Variants in NTM observed in about 807,000 individuals in gnomAD.
The protein encoded by NTM is IgLON family member 2.
Under a neutral mutation model 42.1 loss-of-function variants are expected in NTM, and 13 were observed. That is an observed-to-expected ratio of 0.31 (90% CI 0.20 to 0.49). NTM has a LOEUF of 0.49. Ranked by LOEUF, NTM falls within the 20% of genes least tolerant of loss-of-function variation. The pLI, the probability that NTM is intolerant of heterozygous loss-of-function variation, is 0.99. For synonymous variants in NTM, 187 were observed against 179.2 expected (o/e 1.04, Z -0.35); for missense variants, 373 against 452.8 (o/e 0.82, Z 1.60).
intron 1 of NTM, among the ~76,000 whole-genome samples, chr11:131,439,226 A>G (rs1949397967): frequency 6.6e-6 from 1 of 152,046 alleles, no homozygotes; most frequent in South Asian, 2.1e-4. Flanking sequence ...GTCGGCCCCT[A>G]CTGGGAGGTG....
At chr11:132,119,986 A>G (rs1244892870) in intron 2 of NTM, among the ~76,000 whole-genome samples, 1 of 152,224 alleles carries the variant, frequency 6.6e-6, no homozygotes, top group Non-Finnish European at 1.5e-5. Flanking sequence ...CATCAGAGCT[A>G]GAGAGAAGGG....
chr11:132,284,991 G>A (rs1256993987), intron 4 of NTM: 1 of 152,454 alleles, frequency 6.6e-6, no homozygotes, highest in East Asian at 1.9e-4. Context: ...GCATGAGCAG[G>A]AGCAGGAAGG....
At chr11:131,940,386 C>T (rs1196826077) in intron 2 of NTM, among the ~76,000 whole-genome samples, 4 of 152,140 alleles carry the variant, frequency 2.6e-5, no homozygotes, top group Non-Finnish European at 2.9e-5. Flanking sequence ...TAAAACAAGA[C>T]GTTAGTGGGT....
At chr11:132,215,019 A>G (rs1301623791) in intron 4 of NTM, among the ~76,000 whole-genome samples, 2 of 152,216 alleles carry the variant, frequency 1.3e-5, no homozygotes, top group Admixed American at 1.3e-4. Context: ...GCTGCTGCCC[A>G]ATATGAACTG....
chr11:132,257,534 C>G (rs11222985), intron 4 of NTM, among the ~76,000 whole-genome samples: 2,777 of 152,274 alleles, frequency 0.018, 38 homozygotes, highest in Middle Eastern at 0.051. Context: ...CATCCTCACT[C>G]TGCCCTGCAG....
At chr11:131,649,661 T>C (rs760497084) in intron 1 of NTM, among the ~76,000 whole-genome samples, 3 of 152,112 alleles carry the variant, frequency 2.0e-5, no homozygotes, top group Non-Finnish European at 4.4e-5. Context: ...TGTATGTGTG[T>C]GTTTGGGTGG....
chr11:132,202,649 T>A (rs187177615), intron 3 of NTM, among the ~76,000 whole-genome samples: 10 of 152,246 alleles, frequency 6.6e-5, no homozygotes, highest in African/African-American at 2.4e-4. Context: ...GAAATTCAAT[T>A]TTTACCATTA....
At chr11:131,614,424 C>T (rs1198837708) in intron 1 of NTM, among the ~76,000 whole-genome samples, 1 of 152,222 alleles carries the variant, frequency 6.6e-6, no homozygotes, top group Non-Finnish European at 1.5e-5. Context: ...AAACACTTTC[C>T]CCAAAATGGG....
chr11:131,973,974 G>T (rs1415401017), intron 2 of NTM, among the ~76,000 whole-genome samples: 1 of 152,182 alleles, frequency 6.6e-6, no homozygotes, highest in African/African-American at 2.4e-5. Flanking sequence ...TACTCCAGCT[G>T]GAGATGGTGA....
At chr11:131,878,574 A>C in intron 1 of NTM, among the ~76,000 whole-genome samples, 1 of 22,018 alleles carries the variant, frequency 4.5e-5, no homozygotes. Context: ...CATCTCAAAA[A>C]AAAAAAAAAA....
At chr11:131,786,836 T>C (rs2089317211) in intron 1 of NTM, among the ~76,000 whole-genome samples, 1 of 152,240 alleles carries the variant, frequency 6.6e-6, no homozygotes, top group Non-Finnish European at 1.5e-5. Context: ...TAGGCTCTGT[T>C]GGCTACAGGC....
chr11:131,904,725 C>A (rs1032489577), intron 1 of NTM, among the ~76,000 whole-genome samples: 3 of 152,182 alleles, frequency 2.0e-5, no homozygotes, highest in Non-Finnish European at 4.4e-5. Flanking sequence ...GGTGGATTGG[C>A]TACTTTTCTG....
At chr11:131,813,337 A>G (rs2092815662) in intron 1 of NTM, among the ~76,000 whole-genome samples, 1 of 152,202 alleles carries the variant, frequency 6.6e-6, no homozygotes, top group Non-Finnish European at 1.5e-5. Context: ...AGAACCTACT[A>G]AGTTCAAGGC....
intron 2 of NTM, among the ~76,000 whole-genome samples, chr11:132,000,727 T>C (rs1038351364): frequency 7.2e-5 from 11 of 152,190 alleles, no homozygotes; most frequent in African/African-American, 2.4e-5. Context: ...CTGAGTACCA[T>C]GCTGGTACCA....
At chr11:132,070,263 C>A (rs1594324561) in intron 2 of NTM, among the ~76,000 whole-genome samples, 2 of 140,806 alleles carry the variant, frequency 1.4e-5, no homozygotes, top group African/African-American at 5.3e-5. Context: ...TCAAACTGAC[C>A]ATCACAGGTT....
intron 1 of NTM, among the ~76,000 whole-genome samples, chr11:131,510,536 A>T (rs1307397635): frequency 1.3e-5 from 2 of 152,228 alleles, no homozygotes; most frequent in East Asian, 3.9e-4. Context: ...GACTGTGGTC[A>T]AACTACTAAC....
intron 3 of NTM, among the ~76,000 whole-genome samples, chr11:132,188,101 CGT>C (rs372467159): frequency 1.3e-5 from 2 of 151,536 alleles, no homozygotes; most frequent in African/African-American, 4.9e-5. Flanking sequence ...TCTGTGCGTG[CGT>C]GTGTGTGTGT....
At chr11:131,675,155 C>G (rs960723325) in intron 1 of NTM, among the ~76,000 whole-genome samples, 6 of 152,190 alleles carry the variant, frequency 3.9e-5, no homozygotes, top group Non-Finnish European at 7.3e-5. Flanking sequence ...GAGCATTTAT[C>G]TTTTCTGTTT....
chr11:131,382,559 T>G (rs1048295243), intron 1 of NTM, among the ~76,000 whole-genome samples: 4 of 152,262 alleles, frequency 2.6e-5, no homozygotes, highest in Non-Finnish European at 5.9e-5. Context: ...TCCTAATGAA[T>G]CTATGTGGAA....
Sources: gnomAD v4.1 joint callset for allele counts (sites outside exome capture counted in the v4.1 genomes callset) on GRCh38, gnomAD v4.1.1 for gene constraint, MANE v1.5 for transcripts, NCBI Gene and HGNC (gene_info 2026-07-23, HGNC 2026-07-21) for gene names.